The following FGF12 variants were observed in gnomAD, a reference collection of about 807,000 sequenced individuals.
The protein encoded by FGF12 is fibroblast growth factor 12, also known as fibroblast growth factor 12B.
FGF12 carries 14 observed loss-of-function variants against 23.6 expected under a neutral mutation model. The observed-to-expected ratio is 0.59, with a 90% CI of 0.39 to 0.93. The LOEUF is 0.93. Among genes scored for constraint, FGF12 ranks in the 40% least tolerant of loss-of-function variants. The pLI is 0.00. For missense variants in FGF12, 175 were observed against 217.8 expected, an observed-to-expected ratio of 0.80 and a Z score of 1.24; for synonymous variants, 62 against 77.3, an observed-to-expected ratio of 0.80 and a Z score of 1.04.
Position 192,647,676 on chromosome 3 carries a change from CATATATACATATATATGTATATATGTGT to C in FGF12, c.13+79477_13+79504del, listed in dbSNP as rs1195223649. On this transcript the variant is annotated intron_variant, in intron 2 of 5. Coordinates refer to ENST00000445105, the MANE Select transcript of FGF12 (RefSeq NM_004113.6). ...ATGGATGTTTAGAGAAATGAAGATA[CATATATACATATATATGTATATATGTGT>C]ATATATACATATATATATACACATA... Among the ~76,000 whole-genome samples, 163 of 148,306 alleles carry C rather than the reference CATATATACATATATATGTATATATGTGT, an allele frequency of 1.1e-3. 1 individual carries two copies. The highest frequency in any genetic ancestry group is 3.8e-3 in the African/African-American group (152 of 40,492).
intron 2 of FGF12, among the ~76,000 whole-genome samples, chr3:192,713,003 G>C (rs1174868900): frequency 1.3e-5 from 2 of 152,258 alleles, no homozygotes; most frequent in African/African-American, 4.8e-5. Context: ...ATAACTGGCA[G>C]GGACTTGGAG....
intron 2 of FGF12, among the ~76,000 whole-genome samples, chr3:192,693,521 C>T (rs547403266): frequency 1.6e-4 from 25 of 151,958 alleles, no homozygotes; most frequent in Admixed American, 5.2e-4. Context: ...AATTATATTA[C>T]CAAGATAAAA....
chr3:192,678,456 C>T (rs2108704080), intron 2 of FGF12, among the ~76,000 whole-genome samples: 1 of 152,326 alleles, frequency 6.6e-6, no homozygotes, highest in East Asian at 1.9e-4. Flanking sequence ...CTCAGCTCTT[C>T]CACCTGCATT....
chr3:192,707,761 A>G (rs1718520871), intron 2 of FGF12, among the ~76,000 whole-genome samples: 1 of 150,960 alleles, frequency 6.6e-6, no homozygotes, highest in Non-Finnish European at 1.5e-5. Context: ...AAAAAAAAAA[A>G]AGAATGAGAA....
At chr3:192,314,891 A>T (rs1219227526) in intron 4 of FGF12, among the ~76,000 whole-genome samples, 1 of 152,186 alleles carries the variant, frequency 6.6e-6, no homozygotes, top group Non-Finnish European at 1.5e-5. Flanking sequence ...TATTGCCAAA[A>T]TCTGAATCCA....
At chr3:192,547,146 T>G (rs1455566992) in intron 2 of FGF12, among the ~76,000 whole-genome samples, 1 of 152,192 alleles carries the variant, frequency 6.6e-6, no homozygotes, top group Non-Finnish European at 1.5e-5. Context: ...TAATTTCACA[T>G]ATCAAAAGAA....
chr3:192,347,737 T>C (rs936605500), intron 3 of FGF12, among the ~76,000 whole-genome samples: 1 of 152,172 alleles, frequency 6.6e-6, no homozygotes, highest in Non-Finnish European at 1.5e-5. Context: ...CAAAAATGGC[T>C]TCTTACCCAA....
chr3:192,382,987 G>A (rs747443297), intron 2 of FGF12, among the ~76,000 whole-genome samples: 6 of 152,174 alleles, frequency 3.9e-5, no homozygotes, highest in African/African-American at 9.7e-5. Context: ...AGATGCCAGT[G>A]ACTAGTTTGT....
At chr3:192,484,696 C>G (rs1268919156) in intron 2 of FGF12, among the ~76,000 whole-genome samples, 5 of 152,128 alleles carry the variant, frequency 3.3e-5, no homozygotes, top group African/African-American at 1.2e-4. Context: ...TATGCACTCT[C>G]CCAGGCTGAA....
At position 192,240,777 on chromosome 3, in the gene FGF12, T is replaced by C. The variant is rs371324374; in HGVS notation, c.229-70121A>G. Among the ~76,000 whole-genome samples, 27 of 152,306 alleles carry C rather than the reference T, an allele frequency of 1.8e-4. No individual in the cohort carries two copies. In the South Asian group the frequency reaches 5.4e-3, roughly 30 times the overall value. Reference sequence around the variant, plus strand: ...TTCTCAGAGGTCTTTATCTCTACTTTGTATGTTATTTGTAATTTTTTATTT... The same window carrying C: ...TTCTCAGAGGTCTTTATCTCTACTTCGTATGTTATTTGTAATTTTTTATTT... On this transcript the variant is annotated intron_variant, in intron 4 of 5. Coordinates refer to ENST00000445105, the MANE Select transcript of FGF12 (RefSeq NM_004113.6).
chr3:192,342,043 C>T (rs1002210986), intron 3 of FGF12, among the ~76,000 whole-genome samples: 8 of 152,146 alleles, frequency 5.3e-5, no homozygotes, highest in Non-Finnish European at 1.2e-4. Flanking sequence ...CAGTTGTGGT[C>T]TCTAGTGAAA....
chr3:192,161,895 G>C (rs1166163896), intron 5 of FGF12, among the ~76,000 whole-genome samples: 1 of 152,126 alleles, frequency 6.6e-6, no homozygotes, highest in Non-Finnish European at 1.5e-5. Flanking sequence ...CTCTGTAGTG[G>C]AGAGTTGAAC....
intron 5 of FGF12, among the ~76,000 whole-genome samples, chr3:192,148,905 G>A (rs757512126): frequency 5.9e-5 from 9 of 152,128 alleles, no homozygotes; most frequent in Non-Finnish European, 8.8e-5. Context: ...CACTGAGCAC[G>A]TACAATGTAG....
chr3:192,211,000 T>A (rs568561789), intron 4 of FGF12, among the ~76,000 whole-genome samples: 1 of 152,282 alleles, frequency 6.6e-6, no homozygotes, highest in East Asian at 1.9e-4. Flanking sequence ...TTGCAAGGTT[T>A]AAAGCAGAGG....
rs1717350601 is a variant in FGF12, at chr3:192,335,435, G to A, written c.154C>T (p.Arg52Cys). 6.2e-7 allele frequency: 1 copy of A among 1,612,824 alleles called. No individual in the cohort carries two copies. The highest frequency in any genetic ancestry group is 8.5e-7 in the Non-Finnish European group (1 of 1,179,210). The change falls in exon 4 of 6, where the codon CGT becomes TGT. Residue 52 changes from arginine to cysteine, a missense_variant. Physicochemically the swap from Arg to Cys is radical, Grantham distance 180. Coordinates refer to ENST00000445105, the MANE Select transcript of FGF12 (RefSeq NM_004113.6). Reference sequence around the variant, plus strand: ...TTCACTCCTTGGATGGCCACTACACGCAGGCCCACGGGAATTAGATTGAAG... The same window carrying A: ...TTCACTCCTTGGATGGCCACTACACACAGGCCCACGGGAATTAGATTGAAG... ...TLFNLIPVGL[R>C]VVAIQGVKAS...
rs1409260168 is a variant in FGF12, at chr3:192,514,921, G to T, written c.14-154383C>A. 1.0e-6 allele frequency: 1 copy of T among 969,148 alleles called. No homozygotes were observed. The highest frequency in any genetic ancestry group is 1.2e-6 in the Non-Finnish European group (1 of 815,162). 60.0% of individuals were successfully genotyped at this position (969,148 alleles called of 1,614,324 possible). A position where few individuals can be genotyped will look rare whatever the true frequency, so the allele number is the denominator to read the frequency against. On this transcript the variant is annotated intron_variant, in intron 2 of 5. Transcript: ENST00000445105. The surrounding 1 kb of genome is among the most constrained non-coding windows in gnomAD (Gnocchi z 4.9). ...GGAGGGAGCCCGGGCGCCGGCAGGG[G>T]GCGGGCCGGGACGCGGAAGTGCCGG...
At chr3:192,211,974 T>C (rs1717951299) in intron 4 of FGF12, among the ~76,000 whole-genome samples, 1 of 152,236 alleles carries the variant, frequency 6.6e-6, no homozygotes, top group African/African-American at 2.4e-5. Flanking sequence ...CACAGGAATG[T>C]TAAACAGCCT....
chr3:192,364,411 G>C (rs1441084994), intron 2 of FGF12, among the ~76,000 whole-genome samples: 1 of 152,182 alleles, frequency 6.6e-6, no homozygotes. Flanking sequence ...GGGTTGGTTT[G>C]CTCCCTTTTG....
intron 3 of FGF12, among the ~76,000 whole-genome samples, chr3:192,354,334 T>C (rs1353102087): frequency 3.9e-5 from 6 of 152,010 alleles, no homozygotes; most frequent in Admixed American, 1.3e-4. Context: ...AAAGAATACG[T>C]TACAAAAAAC....
Sources: allele counts gnomAD v4.1 joint callset (sites outside exome capture counted in the v4.1 genomes callset), GRCh38; gene constraint gnomAD v4.1.1; non-coding constraint Gnocchi (gnomAD v3.1); transcripts MANE v1.5; gene names NCBI Gene and HGNC (gene_info 2026-07-23, HGNC 2026-07-21).